The following DCDC2C variants were observed in gnomAD, a reference collection of about 807,000 sequenced individuals.
The protein encoded by DCDC2C is doublecortin domain containing 2C.
A neutral mutation model predicts 45.0 loss-of-function variants in DCDC2C; 44 were observed. That is an observed-to-expected ratio of 0.98 (90% confidence interval 0.77 to 1.26). DCDC2C has a LOEUF of 1.26. Ranked by LOEUF, DCDC2C falls within the 50% of genes most tolerant of loss-of-function variation. The pLI is 0.00. For synonymous variants in DCDC2C, 187 were observed against 178.8 expected (o/e 1.05, Z -0.37); for missense variants, 447 against 468.9 (o/e 0.95, Z 0.43).
intron 3 of DCDC2C, among the ~76,000 whole-genome samples, chr2:3,732,148 G>A (rs1485917212): frequency 1.3e-5 from 2 of 152,138 alleles, no homozygotes; most frequent in Non-Finnish European, 2.9e-5. Context: ...TGGTTCGGGG[G>A]ACCGAGGAGT....
intron 10 of DCDC2C, among the ~76,000 whole-genome samples, chr2:3,791,557 C>T (rs76182193): frequency 0.1 from 15,188 of 152,218 alleles, 1,035 homozygotes; most frequent in East Asian, 0.29. Flanking sequence ...CAGTTTTCAC[C>T]GCCTTGCCTT....
chr2:3,788,945 A>T (rs903373795), intron 10 of DCDC2C, among the ~76,000 whole-genome samples: 7 of 151,308 alleles, frequency 4.6e-5, no homozygotes, highest in Admixed American at 1.3e-4. Context: ...CGTTCAAAAG[A>T]TCTCATGCTT....
intron 6 of DCDC2C, among the ~76,000 whole-genome samples, chr2:3,755,605 A>T (rs1265657309): frequency 6.6e-6 from 1 of 151,904 alleles, no homozygotes; most frequent in Non-Finnish European, 1.5e-5. Flanking sequence ...GTGTGTATGC[A>T]TGTGTGTATG....
chr2:3,746,926 G>T (rs1322032739), intron 4 of DCDC2C, among the ~76,000 whole-genome samples: 1 of 152,122 alleles, frequency 6.6e-6, no homozygotes, highest in Non-Finnish European at 1.5e-5. Flanking sequence ...GTTCTGGGGT[G>T]GGGGGACTGT....
chr2:3,772,477 C>T (rs1185717535), intron 8 of DCDC2C, among the ~76,000 whole-genome samples: 1 of 152,162 alleles, frequency 6.6e-6, no homozygotes, highest in African/African-American at 2.4e-5. Flanking sequence ...GAGCTTCTCC[C>T]AGTACTTGTT....
chr2:3,755,197 A>G (rs1312145749), intron 6 of DCDC2C, among the ~76,000 whole-genome samples: 2 of 152,086 alleles, frequency 1.3e-5, no homozygotes, highest in African/African-American at 4.8e-5. Context: ...ATGGATGCAT[A>G]TGTGTGCATG....
chr2:3,788,649 C>T (rs1009070934), intron 10 of DCDC2C: 1 of 152,176 alleles, frequency 6.6e-6, no homozygotes, highest in Non-Finnish European at 1.5e-5. Context: ...TATCTGGGTG[C>T]ACTTTGTAAG....
intron 3 of DCDC2C, among the ~76,000 whole-genome samples, chr2:3,733,423 A>T (rs981755252): frequency 2.0e-5 from 3 of 152,210 alleles, no homozygotes; most frequent in African/African-American, 7.2e-5. Context: ...TGGGTGGGCC[A>T]TGTGGCTCTC....
chr2:3,805,734 T>C (rs763446738), intron 10 of DCDC2C, among the ~76,000 whole-genome samples: 5 of 152,250 alleles, frequency 3.3e-5, no homozygotes, highest in Non-Finnish European at 5.9e-5. Context: ...TGATGCTGCA[T>C]GCCAAACTGA....
intron 10 of DCDC2C, among the ~76,000 whole-genome samples, chr2:3,820,975 C>A (rs1389046297): frequency 2.0e-5 from 3 of 152,140 alleles, no homozygotes; most frequent in Non-Finnish European, 2.9e-5. Flanking sequence ...TGTAAAGAGT[C>A]CACCAAACAG....
chr2:3,846,466 C>A (rs1672332654), intron 10 of DCDC2C, among the ~76,000 whole-genome samples: 1 of 150,432 alleles, frequency 6.6e-6, no homozygotes, highest in African/African-American at 2.5e-5. Flanking sequence ...GTTGCCCAGG[C>A]TTCTTCTTTT....
intron 10 of DCDC2C, among the ~76,000 whole-genome samples, chr2:3,826,776 C>T (rs1176209648): frequency 6.6e-6 from 1 of 152,028 alleles, no homozygotes; most frequent in Non-Finnish European, 1.5e-5. Context: ...CCTGCAGCCC[C>T]CATTAAAAAG....
At chr2:3,719,657 T>A (rs1668439205) in intron 2 of DCDC2C, among the ~76,000 whole-genome samples, 1 of 152,186 alleles carries the variant, frequency 6.6e-6, no homozygotes, top group Admixed American at 6.5e-5. Context: ...TGTCTTGGAA[T>A]GTTGGTGGAC....
intron 10 of DCDC2C, among the ~76,000 whole-genome samples, chr2:3,815,521 G>T (rs1572637699): frequency 6.6e-6 from 1 of 152,232 alleles, no homozygotes; most frequent in African/African-American, 2.4e-5. Context: ...AAATTCTTTG[G>T]GATTTTCTAC....
chr2:3,705,542 G>A (rs189675491), intron 1 of DCDC2C, among the ~76,000 whole-genome samples: 31 of 152,302 alleles, frequency 2.0e-4, no homozygotes, highest in African/African-American at 6.7e-4. Flanking sequence ...ATAATGAAAA[G>A]TATTTAATTT....
intron 3 of DCDC2C, among the ~76,000 whole-genome samples, chr2:3,732,086 C>T (rs1572568591): frequency 6.6e-6 from 1 of 152,144 alleles, no homozygotes; most frequent in Non-Finnish European, 1.5e-5. Context: ...TAGGGAAGCG[C>T]AGGCAGATCG....
chr2:3,743,204 A>ACATATACAT (rs1669266716), intron 4 of DCDC2C, among the ~76,000 whole-genome samples: 1 of 152,136 alleles, frequency 6.6e-6, no homozygotes, highest in African/African-American at 2.4e-5. Flanking sequence ...AGAATATACA[A>ACATATACAT]CAATTATCAA....
intron 1 of DCDC2C, among the ~76,000 whole-genome samples, chr2:3,704,371 G>C (rs1260936234): frequency 4.1e-5 from 5 of 123,410 alleles, no homozygotes; most frequent in Non-Finnish European, 8.6e-5. Flanking sequence ...GGAGGGCGTG[G>C]GGGAGGGGTG....
chr2:3,719,865 G>C lies in DCDC2C; in HGVS notation c.340-7138G>C, dbSNP rs186950630. ...TGCCTCATGCTCCTTCAAATCAGAG[G>C]CGAGGCTCCAGAGAATAGCTCAGAG... On this transcript the variant is annotated intron_variant, in intron 2 of 10. Coordinates refer to ENST00000399143, the MANE Select transcript of DCDC2C (RefSeq NM_001287444.2). Among the ~76,000 whole-genome samples, 10 of 152,326 alleles carry C rather than the reference G, an allele frequency of 6.6e-5. 1 individual carries two copies. The East Asian group carries it at 1.9e-3, about 29-fold the overall frequency.
Sources: gnomAD v4.1 joint callset for allele counts (sites outside exome capture counted in the v4.1 genomes callset) on GRCh38, gnomAD v4.1.1 for gene constraint, MANE v1.5 for transcripts, NCBI Gene and HGNC (gene_info 2026-07-23, HGNC 2026-07-21) for gene names.